The following CCDC18 variants were observed in gnomAD, a reference collection of about 807,000 sequenced individuals.
The protein encoded by CCDC18 is coiled-coil domain containing 18.
CCDC18 carries 157 observed loss-of-function variants against 196.0 expected under a neutral mutation model. That is an observed-to-expected ratio of 0.80 (90% CI 0.70 to 0.91). The LOEUF is 0.91. Ranked by LOEUF, CCDC18 falls within the 40% of genes least tolerant of loss-of-function variation. CCDC18 has a pLI of 0.00. For synonymous variants in CCDC18, 482 were observed against 529.2 expected (o/e 0.91, Z 1.22); for missense variants, 1,465 against 1,611.6 (o/e 0.91, Z 1.56).
intron 23 of CCDC18, among the ~76,000 whole-genome samples, chr1:93,250,378 C>CAAAAAAAAAA (rs71094242): frequency 2.2e-5 from 2 of 89,428 alleles, no homozygotes; most frequent in Non-Finnish European, 4.8e-5. Context: ...GAGACCCTGT[C>CAAAAAAAAAA]AAAAAAAAAA....
chr1:93,273,943 C>A (rs1029828469), intron 28 of CCDC18, among the ~76,000 whole-genome samples: 1 of 152,112 alleles, frequency 6.6e-6, no homozygotes, highest in African/African-American at 2.4e-5. Flanking sequence ...AATAATAGTA[C>A]CTAATAGTTC....
chr1:93,265,751 A>G lies in CCDC18; in HGVS notation c.3885+850A>G, dbSNP rs547271640. Among the ~76,000 whole-genome samples, 3 of 152,334 alleles carry G rather than the reference A, an allele frequency of 2.0e-5. No homozygotes were observed. The East Asian group carries it at 5.8e-4, about 29-fold the overall frequency. ...TTCAACAAGAAGAGCTAACTGTCCTAAATATATATGCACCCAATACAGGAG... is the reference window on the plus strand; with the variant it reads ...TTCAACAAGAAGAGCTAACTGTCCTGAATATATATGCACCCAATACAGGAG... On this transcript the variant is annotated intron_variant, in intron 27 of 28. Transcript: ENST00000690025.
chr1:93,185,405 G>T (rs1025164875), intron 3 of CCDC18, among the ~76,000 whole-genome samples: 4 of 151,864 alleles, frequency 2.6e-5, no homozygotes, highest in Non-Finnish European at 4.4e-5. Context: ...ATGAAATTAG[G>T]CATTGTTTAT....
At chr1:93,201,413 G>A (rs1653811160) in intron 6 of CCDC18, among the ~76,000 whole-genome samples, 1 of 152,058 alleles carries the variant, frequency 6.6e-6, no homozygotes, top group Non-Finnish European at 1.5e-5. Context: ...GTTTTTTGTT[G>A]TCTAGATTTT....
intron 4 of CCDC18, 133 bp from the exon 5 acceptor site, chr1:93,191,867 G>A: frequency 1.7e-6 from 1 of 603,664 alleles, no homozygotes; most frequent in Non-Finnish European, 3.0e-6. Flanking sequence ...CAAAGGAATA[G>A]ATGGGAAGCT....
upstream of CCDC18, chr1:93,180,515 A>C (rs551379445): frequency 2.0e-5 from 30 of 1,532,154 alleles, no homozygotes; most frequent in African/African-American, 7.1e-5. Context: ...TCTCCCCCTG[A>C]CGGCCTCCGG....
At position 93,239,549 on chromosome 1, in the gene CCDC18, A is replaced by G. The variant is rs922004297; in HGVS notation, c.2767+76A>G. 2.5e-5 allele frequency: 37 copies of G among 1,496,952 alleles called. 1 individual carries two copies. The highest frequency in any genetic ancestry group is 3.2e-5 in the Non-Finnish European group (35 of 1,106,504). The allele number at this position is 1,496,952 out of a possible 1,614,324, so 92.7% of individuals were successfully genotyped here. ...AAGTGAAATAATGTGAGAATTTGAG[A>G]TGGTGGGGCTGGAAGGGAAAATAAG... On this transcript the variant is annotated intron_variant, in intron 20 of 28. Transcript: ENST00000690025.
At position 93,227,145 on chromosome 1, in the gene CCDC18, A is replaced by G. The variant is rs80038059; in HGVS notation, c.2292+696A>G. Among the ~76,000 whole-genome samples the G allele has an allele frequency of 4.2e-3, 614 of 147,576 alleles. 4 individuals carry two copies. Among genetic ancestry groups the G allele is most frequent in the Middle Eastern group, 0.018 (5 of 284 alleles). ...ACTTTAGAATTTCAACTTTTTTAAG[A>G]TAAGTTTCTCAGATACTGCATTGGA... On this transcript the variant is annotated intron_variant, in intron 17 of 28. Transcript: ENST00000690025.
At chr1:93,183,740 A>G (rs1294498895) in intron 2 of CCDC18, among the ~76,000 whole-genome samples, 1 of 151,974 alleles carries the variant, frequency 6.6e-6, no homozygotes, top group Non-Finnish European at 1.5e-5. Flanking sequence ...GGCTTTACTA[A>G]TTTTTTATGA....
intron 21 of CCDC18, among the ~76,000 whole-genome samples, chr1:93,242,707 A>T (rs760978933): frequency 2.0e-5 from 3 of 152,214 alleles, no homozygotes; most frequent in Non-Finnish European, 4.4e-5. Flanking sequence ...GTTACTTCCT[A>T]GATACAGTGG....
chr1:93,229,003 A>T (rs894489197), intron 17 of CCDC18, among the ~76,000 whole-genome samples: 1 of 151,944 alleles, frequency 6.6e-6, no homozygotes, highest in Non-Finnish European at 1.5e-5. Context: ...GCTCACTACA[A>T]CCTCTGCCTC....
chr1:93,180,695 G>A (rs759702444), upstream of CCDC18: 98 of 1,354,526 alleles, frequency 7.2e-5, no homozygotes, highest in Non-Finnish European at 9.4e-5. Flanking sequence ...GCAGTGACCG[G>A]GTAGGCGCGT....
chr1:93,254,519 G>C lies in CCDC18; in HGVS notation c.3247G>C (p.Glu1083Gln). Residue 1083 changes from glutamate to glutamine, a missense_variant, in exon 24 of 29, where the codon GAA (glutamate) becomes CAA (glutamine). Transcript: ENST00000690025. The part of the protein sequence containing the change: ...KLQNAKEQLR[E>Q]KEFIMLQNEQ... ...ACAAAATGCTAAAGAACAGCTTCGA[G>C]AAAAAGAGTTTATAATGCTACAAAA... 1 of 1,603,266 alleles carries C rather than the reference G, an allele frequency of 6.2e-7. No homozygotes were observed. Among genetic ancestry groups the C allele is most frequent in the Non-Finnish European group, 8.5e-7 (1 of 1,173,606 alleles).
At chr1:93,201,650 T>C (rs894562952) in intron 6 of CCDC18, among the ~76,000 whole-genome samples, 5 of 148,276 alleles carry the variant, frequency 3.4e-5, no homozygotes, top group Admixed American at 6.9e-5. Flanking sequence ...AGAATTTATA[T>C]ATATTTCGAC....
intron 6 of CCDC18, among the ~76,000 whole-genome samples, chr1:93,200,719 G>A (rs190987113): frequency 3.9e-5 from 6 of 152,276 alleles, no homozygotes; most frequent in East Asian, 1.9e-4. Flanking sequence ...TCATTAAAAC[G>A]TGATTGGGAG....
upstream of CCDC18, chr1:93,180,584 C>A: frequency 7.2e-7 from 1 of 1,393,628 alleles, no homozygotes; most frequent in African/African-American, 1.5e-5. Flanking sequence ...AATGTAGTCC[C>A]GGGCGGGCTC....
chr1:93,261,407 T>C (rs752932026), intron 26 of CCDC18, among the ~76,000 whole-genome samples: 3 of 152,182 alleles, frequency 2.0e-5, no homozygotes, highest in African/African-American at 7.2e-5. Context: ...ATAAATACAT[T>C]GACCATTTTC....
chr1:93,227,967 A>ATATATAT (rs1176767918), intron 17 of CCDC18, among the ~76,000 whole-genome samples: 166 of 108,686 alleles, frequency 1.5e-3, no homozygotes, highest in African/African-American at 8.3e-3. Flanking sequence ...CAAAAAAAAA[A>ATATATAT]AAAAATATAT....
chr1:93,266,599 T>C (rs997814515), intron 27 of CCDC18, among the ~76,000 whole-genome samples: 1 of 152,054 alleles, frequency 6.6e-6, no homozygotes, highest in South Asian at 2.1e-4. Context: ...CAATAAAAAA[T>C]GATAAAGAGG....
Sources: gnomAD v4.1 joint callset for allele counts (sites outside exome capture counted in the v4.1 genomes callset) on GRCh38, gnomAD v4.1.1 for gene constraint, MANE v1.5 for transcripts, NCBI Gene and HGNC (gene_info 2026-07-23, HGNC 2026-07-21) for gene names.